SGCD: variants seen among roughly 807,000 people sequenced by gnomAD.
The protein encoded by SGCD is delta-sarcoglycan.
A neutral mutation model predicts 36.6 loss-of-function variants in SGCD; 18 were observed. The observed-to-expected ratio is 0.49, with a 90% CI of 0.34 to 0.73. The LOEUF is 0.73. Ranked by LOEUF, SGCD falls within the 30% of genes least tolerant of loss-of-function variation. The pLI, the probability that SGCD is intolerant of heterozygous loss-of-function variation, is 0.01. For missense variants in SGCD, 387 were observed against 346.7 expected (o/e 1.12, Z -0.92); for synonymous variants, 133 against 130.6 (o/e 1.02, Z -0.12).
intron 2 of SGCD, among the ~76,000 whole-genome samples, chr5:156,341,243 G>C (rs1409938859): frequency 6.6e-6 from 1 of 152,190 alleles, no homozygotes; most frequent in African/African-American, 2.4e-5. Flanking sequence ...GTAGTTCCCA[G>C]GAGCAAAGGA....
At chr5:156,254,234 A>T (rs1274769415) in intron 3 of SGCD, among the ~76,000 whole-genome samples, 2 of 152,308 alleles carry the variant, frequency 1.3e-5, no homozygotes, top group East Asian at 1.9e-4. Context: ...AGACATTTTT[A>T]AAAATTATAC....
intron 3 of SGCD, among the ~76,000 whole-genome samples, chr5:156,490,763 A>G (rs1581068554): frequency 6.6e-6 from 1 of 152,154 alleles, no homozygotes; most frequent in East Asian, 1.9e-4. Flanking sequence ...TGAATAGGGA[A>G]AAGCTGAAAG....
intron 3 of SGCD, among the ~76,000 whole-genome samples, chr5:156,417,673 C>A (rs184009228): frequency 6.6e-6 from 1 of 152,138 alleles, no homozygotes; most frequent in Non-Finnish European, 1.5e-5. Flanking sequence ...TACAGGGGCA[C>A]CAATTCTGTC....
In SGCD at chr5:155,969,303, G is replaced by A. The variant is rs79104525; in HGVS notation, c.-282+98879G>A. Among the ~76,000 whole-genome samples, 11 of 152,230 alleles carry A rather than the reference G, an allele frequency of 7.2e-5. 1 individual carries two copies. In the Middle Eastern group the frequency reaches 0.01, roughly 141 times the overall value. ...CAAAAGTATATGAGTTCTGGTCCAT[G>A]GAGTAATGTTGGGCAAAGGTATTCA... On this transcript the variant is annotated intron_variant, in intron 1 of 9. Transcript: ENST00000517913.
At chr5:156,680,225 C>T (rs982621762) in intron 7 of SGCD, among the ~76,000 whole-genome samples, 4 of 152,118 alleles carry the variant, frequency 2.6e-5, no homozygotes, top group African/African-American at 9.7e-5. Context: ...TGACCTGCCT[C>T]AAGTCACATA....
intron 6 of SGCD, among the ~76,000 whole-genome samples, chr5:156,621,473 G>A (rs1263136533): frequency 1.3e-5 from 2 of 152,082 alleles, no homozygotes; most frequent in East Asian, 1.9e-4. Context: ...TTACAGGCGT[G>A]AGCTACCATG....
At chr5:156,176,625 G>T (rs1358481780) in intron 3 of SGCD, among the ~76,000 whole-genome samples, 1 of 152,046 alleles carries the variant, frequency 6.6e-6, no homozygotes, top group African/African-American at 2.4e-5. Flanking sequence ...ATCATTCAAT[G>T]TAAAATAATA....
At chr5:156,551,516 G>A (rs1758795775) in intron 4 of SGCD, among the ~76,000 whole-genome samples, 1 of 151,998 alleles carries the variant, frequency 6.6e-6, no homozygotes, top group Admixed American at 6.6e-5. Context: ...GGTTTTGCGG[G>A]GGCAGGGGAG....
intron 1 of SGCD, among the ~76,000 whole-genome samples, chr5:155,997,847 T>A (rs1446416018): frequency 6.6e-6 from 1 of 152,260 alleles, no homozygotes. Context: ...GAAGTGCTTT[T>A]TAAAAACTGT....
chr5:156,071,490 G>T (rs1760560649), intron 1 of SGCD, among the ~76,000 whole-genome samples: 1 of 152,212 alleles, frequency 6.6e-6, no homozygotes, highest in Non-Finnish European at 1.5e-5. Flanking sequence ...ACTGTGGTCT[G>T]AGAGACAGTT....
At chr5:156,317,590 C>T (rs1767551662) in intron 3 of SGCD, among the ~76,000 whole-genome samples, 1 of 152,126 alleles carries the variant, frequency 6.6e-6, no homozygotes, top group Non-Finnish European at 1.5e-5. Context: ...AAAGTATTCA[C>T]ATGATGTGTT....
chr5:156,531,938 A>G (rs190106682), intron 4 of SGCD, among the ~76,000 whole-genome samples: 3 of 151,876 alleles, frequency 2.0e-5, no homozygotes, highest in Non-Finnish European at 2.9e-5. Flanking sequence ...GTGAAACCCC[A>G]TCTCTACTAA....
At chr5:155,739,293 T>C in the SGCD span, among the ~76,000 whole-genome samples, 3 of 152,186 alleles carry the variant, frequency 2.0e-5, no homozygotes, top group Non-Finnish European at 2.9e-5. Flanking sequence ...TGCTAAAAGA[T>C]CTTTCCATGC....
chr5:156,417,439 A>G (rs1255495956), intron 3 of SGCD, among the ~76,000 whole-genome samples: 1 of 152,198 alleles, frequency 6.6e-6, no homozygotes, highest in African/African-American at 2.4e-5. Context: ...TAAAGTTTGC[A>G]AACAATTTTT....
chr5:156,444,108 CT>C (rs1753642289), intron 3 of SGCD, among the ~76,000 whole-genome samples: 4 of 103,174 alleles, frequency 3.9e-5, no homozygotes, highest in African/African-American at 1.7e-4. Context: ...CTCTCTCTCT[CT>C]CTCTCTCCCC....
intron 3 of SGCD, chr5:156,393,726 T>C (rs944609998): frequency 6.6e-6 from 3 of 456,262 alleles, no homozygotes; most frequent in Non-Finnish European, 1.3e-5. Context: ...AACAAAGTGC[T>C]GTCTTACTGC....
At chr5:155,868,421 G>C (rs914375823), upstream of SGCD, among the ~76,000 whole-genome samples, 1 of 142,322 alleles carries the variant, frequency 7.0e-6, no homozygotes, top group Non-Finnish European at 1.5e-5. Flanking sequence ...TGCCAGACTG[G>C]TCTAGAACTC....
chr5:155,831,015 T>C, the SGCD span, among the ~76,000 whole-genome samples: 1 of 152,218 alleles, frequency 6.6e-6, no homozygotes, highest in East Asian at 1.9e-4. Flanking sequence ...ACCCCATACA[T>C]TCATTGAGTC....
chr5:156,366,056 G>C (rs1770087487), intron 3 of SGCD, among the ~76,000 whole-genome samples: 1 of 152,166 alleles, frequency 6.6e-6, no homozygotes, highest in African/African-American at 2.4e-5. Flanking sequence ...TGTTCAGAAT[G>C]TTAAAGACAA....
Sources: gnomAD v4.1 joint callset for allele counts (sites outside exome capture counted in the v4.1 genomes callset) on GRCh38, gnomAD v4.1.1 for gene constraint, MANE v1.5 for transcripts, NCBI Gene and HGNC (gene_info 2026-07-23, HGNC 2026-07-21) for gene names.